The following TRERF1 variants were observed in gnomAD, a reference collection of about 807,000 sequenced individuals.
TRERF1 encodes the protein transcriptional regulating factor 1.
Under a neutral mutation model 122.9 loss-of-function variants are expected in TRERF1, and 27 were observed. The ratio of observed to expected loss-of-function variants is 0.22; its 90% CI spans 0.16 to 0.30. The LOEUF is 0.30. Ranked by LOEUF, TRERF1 falls within the 10% of genes least tolerant of loss-of-function variation. The pLI is 1.00. For missense variants in TRERF1, 1,248 were observed against 1,560.3 expected (o/e 0.80, Z 3.37); for synonymous variants, 636 against 641.7 (o/e 0.99, Z 0.13).
At position 42,263,251 on chromosome 6, in the gene TRERF1, G is replaced by A. The variant is rs1038404127; in HGVS notation, c.1884+69C>T. 3 of 1,521,858 alleles carry A rather than the reference G, an allele frequency of 2.0e-6. No individual in the cohort carries two copies. In the African/African-American group the frequency reaches 4.1e-5, roughly 21 times the overall value. 94.3% of individuals were successfully genotyped at this position (1,521,858 alleles called of 1,614,324 possible). A position where few individuals can be genotyped will look rare whatever the true frequency, so the allele number is the denominator to read the frequency against. ...CCACCCAGGCAGGTGGGGCAGAGCA[G>A]CAACTCACAGCAGGCGTGCGGGGGG... On this transcript the variant is annotated intron_variant, in intron 8 of 17. Coordinates refer to ENST00000372922, the Ensembl canonical transcript of TRERF1. The surrounding 1 kb of genome is among the most constrained non-coding windows in gnomAD (Gnocchi z 5.6).
rs886486542 is a variant in TRERF1, at chr6:42,269,685, A to G, written c.-95T>C. On this transcript the variant is annotated 5_prime_UTR_variant, in exon 5 of 18. Transcript: ENST00000372922. The surrounding 1 kb of genome is among the most constrained non-coding windows in gnomAD (Gnocchi z 4.9). ...GACTGAAACCCTGAGAAGCTGAGAG[A>G]AAAGTGTCAGCACTACTCCACGGCT... The G allele has an allele frequency of 5.4e-6, 8 of 1,487,358 alleles. No individual in the cohort carries two copies. In the Admixed American group the frequency reaches 1.4e-4, roughly 25 times the overall value. The allele number at this position is 1,487,358 out of a possible 1,614,324, so 92.1% of individuals were successfully genotyped here.
At chr6:42,429,731 G>C (rs115810157) in intron 2 of TRERF1, among the ~76,000 whole-genome samples, 1 of 152,106 alleles carries the variant, frequency 6.6e-6, no homozygotes, top group Non-Finnish European at 1.5e-5. Flanking sequence ...CGAGGGCTTC[G>C]GATGCAGCAG....
chr6:42,343,994 C>T (rs779091986), intron 3 of TRERF1, among the ~76,000 whole-genome samples: 1 of 152,186 alleles, frequency 6.6e-6, no homozygotes, highest in Admixed American at 6.5e-5. Flanking sequence ...TATTCCTGCC[C>T]CAACCATCCC....
chr6:42,274,751 T>C (rs13205410), intron 4 of TRERF1, among the ~76,000 whole-genome samples: 5,056 of 152,164 alleles, frequency 0.033, 87 homozygotes, highest in Non-Finnish European at 0.037. Context: ...TAAAACACCA[T>C]AGGGAGATAA....
At chr6:42,439,933 G>A (rs1240592774) in intron 2 of TRERF1, among the ~76,000 whole-genome samples, 1 of 152,110 alleles carries the variant, frequency 6.6e-6, no homozygotes, top group Non-Finnish European at 1.5e-5. Flanking sequence ...TTCACATGAC[G>A]GTCCTTCACT....
At chr6:42,449,050 C>A (rs1250706612) in intron 2 of TRERF1, among the ~76,000 whole-genome samples, 1 of 152,232 alleles carries the variant, frequency 6.6e-6, no homozygotes, top group Non-Finnish European at 1.5e-5. Context: ...TCAACAAAAA[C>A]CACAGGCCCA....
chr6:42,448,227 C>T (rs1055085425), intron 2 of TRERF1, among the ~76,000 whole-genome samples: 1 of 152,202 alleles, frequency 6.6e-6, no homozygotes, highest in African/African-American at 2.4e-5. Context: ...AAAGCTATCT[C>T]CTCCTGCTGC....
intron 2 of TRERF1, among the ~76,000 whole-genome samples, chr6:42,364,379 AC>A (rs1166820065): frequency 6.6e-6 from 1 of 151,462 alleles, no homozygotes; most frequent in Non-Finnish European, 1.5e-5. Context: ...CCTTATTACC[AC>A]CTGACATTTA....
chr6:42,428,479 G>C (rs1006693910), intron 2 of TRERF1, among the ~76,000 whole-genome samples: 2 of 152,282 alleles, frequency 1.3e-5, no homozygotes, highest in South Asian at 2.1e-4. Context: ...TGGGGTGGAG[G>C]GGGTGCGAGA....
At chr6:42,414,102 G>A (rs1335368136) in intron 2 of TRERF1, among the ~76,000 whole-genome samples, 2 of 152,034 alleles carry the variant, frequency 1.3e-5, no homozygotes, top group South Asian at 2.1e-4. Flanking sequence ...TCAACAGGGC[G>A]GTACTTAAAA....
At chr6:42,403,766 TC>T in intron 2 of TRERF1, among the ~76,000 whole-genome samples, 1 of 152,164 alleles carries the variant, frequency 6.6e-6, no homozygotes, top group Non-Finnish European at 1.5e-5. Context: ...TGGGATACAT[TC>T]CAGAGCGCAT....
At chr6:42,328,068 C>A (rs941098291) in intron 3 of TRERF1, among the ~76,000 whole-genome samples, 1 of 138,712 alleles carries the variant, frequency 7.2e-6, no homozygotes, top group African/African-American at 2.8e-5. Flanking sequence ...GGCAGTGGTA[C>A]AATCTTGGCT....
chr6:42,257,091 A>G, exon 11 of TRERF1: 1 of 1,614,198 alleles, frequency 6.2e-7, no homozygotes, highest in Non-Finnish European at 8.5e-7. Flanking sequence ...TCTCAAGCCA[A>G]TGTTGATGCG....
chr6:42,438,877 G>C (rs185500935), intron 2 of TRERF1, among the ~76,000 whole-genome samples: 73 of 152,198 alleles, frequency 4.8e-4, no homozygotes, highest in Admixed American at 2.0e-3. Context: ...CACAGCATAC[G>C]GCCTGCCCTG....
chr6:42,261,181 C>CG (rs905981542), intron 8 of TRERF1, among the ~76,000 whole-genome samples: 4 of 152,208 alleles, frequency 2.6e-5, no homozygotes, highest in Non-Finnish European at 5.9e-5. Context: ...TGTGCCCCCC[C>CG]CAAGGGGAGC....
chr6:42,227,355 C>T lies in TRERF1; in HGVS notation c.*990G>A, dbSNP rs533610984. 5.9e-5 allele frequency: 9 copies of T among 152,340 alleles called. No individual in the cohort carries two copies. In the East Asian group the frequency reaches 1.7e-3, roughly 29 times the overall value. 9.4% of individuals were successfully genotyped at this position (152,340 alleles called of 1,614,324 possible). ...CAAAATCCCAGTGAATGCGGTTTCACAGTACTTCCAAGTGGCACAAAGTAA... is the reference window on the plus strand; with the variant it reads ...CAAAATCCCAGTGAATGCGGTTTCATAGTACTTCCAAGTGGCACAAAGTAA... On this transcript the variant is annotated 3_prime_UTR_variant, in exon 18 of 18. Transcript: ENST00000372922.
At chr6:42,248,977 CAACCA>C (rs1775270769) in intron 13 of TRERF1, among the ~76,000 whole-genome samples, 1 of 152,184 alleles carries the variant, frequency 6.6e-6, no homozygotes, top group African/African-American at 2.4e-5. Context: ...TTCAGTTCAA[CAACCA>C]AACAACCGTC....
chr6:42,390,802 C>T (rs1280148328), intron 2 of TRERF1, among the ~76,000 whole-genome samples: 2 of 152,110 alleles, frequency 1.3e-5, no homozygotes, highest in African/African-American at 4.8e-5. Flanking sequence ...GTCACTTAAC[C>T]ATTAGTTAGT....
At chr6:42,417,193 G>A (rs1476334243) in intron 2 of TRERF1, among the ~76,000 whole-genome samples, 3 of 152,032 alleles carry the variant, frequency 2.0e-5, no homozygotes, top group Non-Finnish European at 4.4e-5. Context: ...CATCTCCAAT[G>A]CCATCAGGGA....
Sources: allele counts gnomAD v4.1 joint callset (sites outside exome capture counted in the v4.1 genomes callset), GRCh38; gene constraint gnomAD v4.1.1; non-coding constraint Gnocchi (gnomAD v3.1); transcripts MANE v1.5; gene names NCBI Gene and HGNC (gene_info 2026-07-23, HGNC 2026-07-21).